The following C12orf42 variants were observed in gnomAD, a reference collection of about 807,000 sequenced individuals.
C12orf42 encodes chromosome 12 open reading frame 42, also known as uncharacterized protein C12orf42.
In C12orf42, 25 loss-of-function variants were observed where a neutral mutation model predicts 21.6. The observed-to-expected ratio is 1.16, with a 90% CI of 0.84 to 1.62. The LOEUF is 1.62. Among genes scored for constraint, C12orf42 ranks in the 40% most tolerant of loss-of-function variants. The pLI is 0.00. For synonymous variants in C12orf42, 174 were observed against 175.0 expected (o/e 0.99, Z 0.05); for missense variants, 483 against 459.3 (o/e 1.05, Z -0.47).
the C12orf42 span, among the ~76,000 whole-genome samples, chr12:103,148,058 CA>C: frequency 1.3e-5 from 2 of 152,060 alleles, no homozygotes; most frequent in African/African-American, 2.4e-5. Flanking sequence ...ATGGTAGAAT[CA>C]TATCTTTTTC....
At chr12:103,377,467 C>T (rs989955010) in intron 3 of C12orf42, among the ~76,000 whole-genome samples, 1 of 151,988 alleles carries the variant, frequency 6.6e-6, no homozygotes, top group Non-Finnish European at 1.5e-5. Flanking sequence ...GGTATGTCCT[C>T]CAAACACCAG....
At chr12:103,162,927 C>T in the C12orf42 span, 2 of 152,212 alleles carry the variant, frequency 1.3e-5, no homozygotes, top group African/African-American at 4.8e-5. Flanking sequence ...TGGCGCTTCT[C>T]TCAGCATCCC....
intron 2 of C12orf42, among the ~76,000 whole-genome samples, chr12:103,433,248 T>C (rs1204305608): frequency 1.3e-5 from 2 of 152,172 alleles, no homozygotes; most frequent in South Asian, 2.1e-4. Flanking sequence ...TGTAACCAAA[T>C]AGTTGATGAA....
the C12orf42 span, among the ~76,000 whole-genome samples, chr12:103,084,833 T>C: frequency 3.3e-5 from 5 of 152,160 alleles, no homozygotes; most frequent in Admixed American, 1.3e-4. Flanking sequence ...TTATATTTTA[T>C]ATATATATTC....
the C12orf42 span, among the ~76,000 whole-genome samples, chr12:103,171,639 G>A: frequency 6.6e-6 from 1 of 152,040 alleles, no homozygotes; most frequent in Non-Finnish European, 1.5e-5. Context: ...TGTTAGAGAA[G>A]GAAATTAAAG....
At chr12:103,527,010 A>C in the C12orf42 span, among the ~76,000 whole-genome samples, 1 of 152,128 alleles carries the variant, frequency 6.6e-6, no homozygotes, top group Non-Finnish European at 1.5e-5. Flanking sequence ...ATTCAACAGC[A>C]GCTACTTTTC....
chr12:103,210,364 AT>A, the C12orf42 span, among the ~76,000 whole-genome samples: 4 of 152,058 alleles, frequency 2.6e-5, no homozygotes, highest in African/African-American at 9.7e-5. Flanking sequence ...TATAATTATA[AT>A]TCTTCCCAAA....
At chr12:103,349,229 G>T (rs1460566725) in intron 4 of C12orf42, 1 of 151,910 alleles carries the variant, frequency 6.6e-6, no homozygotes, top group Non-Finnish European at 1.5e-5. Flanking sequence ...AGAAACTAGG[G>T]CAGGATCTCT....
the C12orf42 span, among the ~76,000 whole-genome samples, chr12:103,507,040 AT>A: frequency 8.4e-5 from 1 of 11,846 alleles, no homozygotes; most frequent in Non-Finnish European, 1.2e-4. Context: ...TAATATATAT[AT>A]TTATATAAAA....
chr12:103,233,211 T>C (rs537101019), downstream of C12orf42, among the ~76,000 whole-genome samples: 2 of 152,250 alleles, frequency 1.3e-5, no homozygotes, highest in African/African-American at 4.8e-5. Flanking sequence ...AATACCACAC[T>C]GTCTTGATTT....
At chr12:103,155,866 T>C in the C12orf42 span, among the ~76,000 whole-genome samples, 6 of 150,876 alleles carry the variant, frequency 4.0e-5, no homozygotes, top group East Asian at 1.2e-3. Context: ...AGTGTATATA[T>C]ACATATATAC....
At chr12:103,523,104 T>C in the C12orf42 span, among the ~76,000 whole-genome samples, 5 of 152,226 alleles carry the variant, frequency 3.3e-5, no homozygotes, top group African/African-American at 9.6e-5. Context: ...CTTAGCTTAA[T>C]ATCAATAGCT....
chr12:103,342,352 C>T (rs2042238598), intron 4 of C12orf42, among the ~76,000 whole-genome samples: 1 of 152,112 alleles, frequency 6.6e-6, no homozygotes. Flanking sequence ...GATACCTAAA[C>T]GAGGATTGAT....
intron 4 of C12orf42, among the ~76,000 whole-genome samples, chr12:103,361,539 AG>A (rs2044108164): frequency 6.6e-6 from 1 of 152,184 alleles, no homozygotes; most frequent in Admixed American, 6.5e-5. Context: ...AACTCAGAGG[AG>A]GGGAATCCAG....
chr12:103,063,518 C>G, the C12orf42 span, among the ~76,000 whole-genome samples: 3 of 152,156 alleles, frequency 2.0e-5, no homozygotes, highest in African/African-American at 7.2e-5. Flanking sequence ...AGCTTCCCAT[C>G]CCCAGTAGTG....
At chr12:103,145,170 T>TTTAAAGCA in the C12orf42 span, among the ~76,000 whole-genome samples, 1 of 152,208 alleles carries the variant, frequency 6.6e-6, no homozygotes, top group Non-Finnish European at 1.5e-5. Context: ...TACTGTACTT[T>TTTAAAGCA]TTAAAGCATT....
the C12orf42 span, among the ~76,000 whole-genome samples, chr12:103,134,142 A>G: frequency 6.6e-6 from 1 of 152,202 alleles, no homozygotes; most frequent in Non-Finnish European, 1.5e-5. Flanking sequence ...TTAAAAATTG[A>G]AAGAAGTGAC....
rs11111546 is a variant in C12orf42, at chr12:103,390,252, G to A, written c.147+11355C>T. On this transcript the variant is annotated intron_variant, in intron 3 of 5. Coordinates refer to ENST00000548883, the MANE Select transcript of C12orf42 (RefSeq NM_198521.5). Reference sequence around the variant, plus strand: ...AGCATTTAACTATGTTCCAGGCAAAGTTCTAAGCGTTTTACCTCATTTAAT... The same window carrying A: ...AGCATTTAACTATGTTCCAGGCAAAATTCTAAGCGTTTTACCTCATTTAAT... Among the ~76,000 whole-genome samples, 976 of 152,290 alleles carry A rather than the reference G, an allele frequency of 6.4e-3. 5 individuals carry two copies. The highest frequency in any genetic ancestry group is 0.01 in the Non-Finnish European group (706 of 68,026).
At chr12:103,474,194 G>T (rs1224340410) in intron 2 of C12orf42, among the ~76,000 whole-genome samples, 3 of 152,002 alleles carry the variant, frequency 2.0e-5, no homozygotes, top group Non-Finnish European at 4.4e-5. Flanking sequence ...TAAGCCCTAA[G>T]CTCTAGGAAG....
Sources: gnomAD v4.1 joint callset for allele counts (sites outside exome capture counted in the v4.1 genomes callset) on GRCh38, gnomAD v4.1.1 for gene constraint, MANE v1.5 for transcripts, NCBI Gene and HGNC (gene_info 2026-07-23, HGNC 2026-07-21) for gene names.